Variants in CHRNA3 observed in about 807,000 individuals in gnomAD.
CHRNA3 encodes the protein neuronal acetylcholine receptor subunit alpha-3.
Under a neutral mutation model 41.9 loss-of-function variants are expected in CHRNA3, and 34 were observed. That is an observed-to-expected ratio of 0.81 (90% confidence interval 0.62 to 1.08). The LOEUF (loss-of-function observed/expected upper bound fraction) is 1.08, where lower values mean the gene tolerates loss of function less well. CHRNA3 is among the 50% of genes least tolerant of loss of function. The pLI is 0.00. For missense variants in CHRNA3, 542 were observed against 638.3 expected, an observed-to-expected ratio of 0.85 and a Z score of 1.63; for synonymous variants, 281 against 265.2, an observed-to-expected ratio of 1.06 and a Z score of -0.58.
chr15:78,605,936 C>A (rs1282269296), intron 4 of CHRNA3, among the ~76,000 whole-genome samples: 1 of 152,204 alleles, frequency 6.6e-6, no homozygotes, highest in Non-Finnish European at 1.5e-5. Context: ...TAACTACCGT[C>A]TTCTCCTATT....
intron 4 of CHRNA3, among the ~76,000 whole-genome samples, chr15:78,608,881 C>G (rs190020838): frequency 9.1e-4 from 139 of 152,206 alleles, no homozygotes; most frequent in African/African-American, 2.9e-3. Context: ...GCAGAGAAGT[C>G]CTTAAAGGAG....
chr15:78,603,324 C>T (rs758941727), intron 4 of CHRNA3, among the ~76,000 whole-genome samples: 2 of 152,138 alleles, frequency 1.3e-5, no homozygotes, highest in African/African-American at 4.8e-5. Context: ...TAGACATGTA[C>T]GTTTTTCTAG....
intron 4 of CHRNA3, among the ~76,000 whole-genome samples, chr15:78,614,332 G>A (rs566347523): frequency 3.9e-5 from 6 of 152,132 alleles, no homozygotes; most frequent in African/African-American, 9.7e-5. Flanking sequence ...TGATTCCTAC[G>A]ACAATTCAGT....
At chr15:78,597,205 G>A (rs1046986554) in intron 5 of CHRNA3, among the ~76,000 whole-genome samples, 7 of 152,132 alleles carry the variant, frequency 4.6e-5, no homozygotes, top group Non-Finnish European at 1.0e-4. Flanking sequence ...GATCACCTGA[G>A]GTCAGGAGTT....
At chr15:78,598,394 A>G (rs1400098386) in intron 5 of CHRNA3, among the ~76,000 whole-genome samples, 1 of 150,970 alleles carries the variant, frequency 6.6e-6, no homozygotes. Flanking sequence ...CAGAAATTTT[A>G]TATCTTTTTT....
chr15:78,595,427 G>A lies in CHRNA3; in HGVS notation c.*1177C>T. The A allele has an allele frequency of 1.0e-6, 1 of 984,996 alleles. No homozygotes were observed. Among genetic ancestry groups the A allele is most frequent in the Non-Finnish European group, 1.2e-6 (1 of 829,588 alleles). The allele number at this position is 984,996 out of a possible 1,614,324, so 61.0% of individuals were successfully genotyped here. On this transcript the variant is annotated 3_prime_UTR_variant, in exon 6 of 6. Coordinates refer to ENST00000326828, the MANE Select transcript of CHRNA3 (RefSeq NM_000743.5). ...GTTAAGTTTCAGAAGTGTAGTACAT[G>A]ATACTCTTAACAATTTGTCTAAAGC...
At chr15:78,600,594 AAT>A (rs1203622659) in intron 5 of CHRNA3, among the ~76,000 whole-genome samples, 1 of 152,200 alleles carries the variant, frequency 6.6e-6, no homozygotes, top group Non-Finnish European at 1.5e-5. Context: ...AGAAAGTAAA[AAT>A]AAAGGCCAGG....
intron 4 of CHRNA3, among the ~76,000 whole-genome samples, chr15:78,602,477 G>A (rs1316993142): frequency 1.3e-5 from 2 of 152,144 alleles, no homozygotes; most frequent in African/African-American, 4.8e-5. Context: ...TCTGAGATAT[G>A]GATCACTCCC....
intron 1 of CHRNA3, 28 bp downstream of exon 1, chr15:78,620,685 T>A (rs1244590297): frequency 1.3e-6 from 2 of 1,502,050 alleles, no homozygotes; most frequent in Admixed American, 4.1e-5. Flanking sequence ...CGCCCGTCCC[T>A]CCGGAGCCCT....
rs1343557583 is a variant in CHRNA3, at chr15:78,601,499, A to G, written c.1143T>C (p.Asn381=). ...CTTTGGACTCTGCGCGGCTGAAGCA[A>G]TTCAGATTTGAGAGCTCGGCACCGT... ...PLYGAELSNL[N]CFSRAESKGC... is the part of the protein sequence containing the mutation. The change falls in exon 5 of 6, where the codon AAT becomes AAC. Residue 381 remains asparagine (N), a synonymous_variant. Transcript: ENST00000326828. The G allele has an allele frequency of 1.2e-6, 2 of 1,614,008 alleles. No homozygotes were observed. Among genetic ancestry groups the G allele is most frequent in the Non-Finnish European group, 1.7e-6 (2 of 1,180,036 alleles).
chr15:78,595,968 CTG>C lies in CHRNA3; in HGVS notation c.*634_*635del, dbSNP rs2053101076. 3 of 849,864 alleles carry C rather than the reference CTG, an allele frequency of 3.5e-6. No individual in the cohort carries two copies. The highest frequency in any genetic ancestry group is 1.8e-5 in the African/African-American group (1 of 54,184). 52.6% of individuals were successfully genotyped at this position (849,864 alleles called of 1,614,324 possible). A position where few individuals can be genotyped will look rare whatever the true frequency, so the allele number is the denominator to read the frequency against. On this transcript the variant is annotated 3_prime_UTR_variant, in exon 6 of 6. Transcript: ENST00000326828. The stretch of plus-strand genomic sequence containing the variant: ...ACCTTGGACCTCCCAACCTCCAAAA[CTG>C]AGAAGTTTCTGTTGTTTATAATCCA...
chr15:78,611,891 TG>T (rs1420777800), intron 4 of CHRNA3, among the ~76,000 whole-genome samples: 1 of 151,988 alleles, frequency 6.6e-6, no homozygotes, highest in African/African-American at 2.4e-5. Flanking sequence ...ACAAAATCAA[TG>T]TACAAAAATC....
In CHRNA3 at chr15:78,596,127, C is replaced by G; in HGVS notation, c.*477G>C. ...AAATGGAGGCATAGCCCTTTAGACCCAGTAAAGAACGAGAAATGCATGGTA... is the reference window on the plus strand; with the variant it reads ...AAATGGAGGCATAGCCCTTTAGACCGAGTAAAGAACGAGAAATGCATGGTA... On this transcript the variant is annotated 3_prime_UTR_variant, in exon 6 of 6. Transcript: ENST00000326828. 1 of 985,588 alleles carries G rather than the reference C, an allele frequency of 1.0e-6. No homozygotes were observed. 61.1% of individuals were successfully genotyped at this position (985,588 alleles called of 1,614,324 possible). A position where few individuals can be genotyped will look rare whatever the true frequency, so the allele number is the denominator to read the frequency against.
rs1404409475 is a variant in CHRNA3, at chr15:78,620,827, G to A, written c.-33C>T. 4 of 1,347,730 alleles carry A rather than the reference G, an allele frequency of 3.0e-6. No homozygotes were observed. The highest frequency in any genetic ancestry group is 3.1e-5 in the African/African-American group (2 of 64,712). 83.5% of individuals were successfully genotyped at this position (1,347,730 alleles called of 1,614,324 possible). A position where few individuals can be genotyped will look rare whatever the true frequency, so the allele number is the denominator to read the frequency against. ...GGCCGGGCTGGCCGCGGACCCGGAC[G>A]GTCGGGAGCGGGCGCGGCGGTCGCA... On this transcript the variant is annotated 5_prime_UTR_variant, in exon 1 of 6. Coordinates refer to ENST00000326828, the MANE Select transcript of CHRNA3 (RefSeq NM_000743.5).
intron 4 of CHRNA3, among the ~76,000 whole-genome samples, chr15:78,616,356 CCCCA>C (rs1567091594): frequency 2.7e-4 from 32 of 119,238 alleles, no homozygotes; most frequent in African/African-American, 8.9e-4. Context: ...GTCTTCCCCC[CCCCA>C]CCCCCCCAAA....
intron 5 of CHRNA3, 105 bp downstream of exon 5, chr15:78,601,148 A>G (rs985989916): frequency 2.6e-6 from 3 of 1,144,440 alleles, no homozygotes; most frequent in African/African-American, 3.1e-5. Flanking sequence ...CACTGACTCC[A>G]GAGGGCAATT....
rs549837829 is a variant in CHRNA3, at chr15:78,597,553, CAA to C, written c.1390-823_1390-822del. Among the ~76,000 whole-genome samples the C allele has an allele frequency of 2.0e-3, 302 of 152,262 alleles. 1 individual carries two copies. Among genetic ancestry groups the C allele is most frequent in the African/African-American group, 6.9e-3 (287 of 41,556 alleles). ...GCCCTCTCCACGATGCCCAGCTGAT[CAA>C]AAGTCATTTTTACTCATAAGACCAA... On this transcript the variant is annotated intron_variant, in intron 5 of 5. Transcript: ENST00000326828.
In CHRNA3 at chr15:78,595,924, C is replaced by T; in HGVS notation, c.*680G>A. 2.8e-6 allele frequency: 1 copy of T among 357,768 alleles called. No homozygotes were observed. The highest frequency in any genetic ancestry group is 3.9e-6 in the Non-Finnish European group (1 of 257,214). 22.2% of individuals were successfully genotyped at this position (357,768 alleles called of 1,614,324 possible). A position where few individuals can be genotyped will look rare whatever the true frequency, so the allele number is the denominator to read the frequency against. ...GAGGAAGAGGACCCTCACCAGACAC[C>T]AAATTTGCTGGTGCCTTGACCTTGG... On this transcript the variant is annotated 3_prime_UTR_variant, in exon 6 of 6. Coordinates refer to ENST00000326828, the MANE Select transcript of CHRNA3 (RefSeq NM_000743.5).
chr15:78,608,316 G>T (rs2053329832), intron 4 of CHRNA3, among the ~76,000 whole-genome samples: 1 of 152,216 alleles, frequency 6.6e-6, no homozygotes, highest in Admixed American at 6.5e-5. Context: ...CACCCCCCAA[G>T]TAGGGGCAGA....
Sources: gnomAD v4.1 joint callset for allele counts (sites outside exome capture counted in the v4.1 genomes callset) on GRCh38, gnomAD v4.1.1 for gene constraint, MANE v1.5 for transcripts, NCBI Gene and HGNC (gene_info 2026-07-23, HGNC 2026-07-21) for gene names.